Variants in SLC38A12 observed in about 807,000 individuals in gnomAD.
SLC38A12 encodes putative sodium-coupled neutral amino acid transporter 12.
chr17:74,810,163 G>A, the SLC38A12 span, among the ~76,000 whole-genome samples: 6 of 152,344 alleles, frequency 3.9e-5, no homozygotes, highest in Middle Eastern at 6.8e-3. Context: ...CATTCAGAAC[G>A]AGGCTGCCAG....
the SLC38A12 span, chr17:74,795,377 G>A: frequency 2.8e-6 from 2 of 702,450 alleles, no homozygotes; most frequent in Non-Finnish European, 2.4e-6. Context: ...CAAGGAGGGT[G>A]CATCCTCAGA....
At chr17:74,822,025 G>GA in the SLC38A12 span, among the ~76,000 whole-genome samples, 1 of 152,216 alleles carries the variant, frequency 6.6e-6, no homozygotes, top group African/African-American at 2.4e-5. Context: ...AATGGCTTCC[G>GA]AAGACCCCTG....
the SLC38A12 span, among the ~76,000 whole-genome samples, chr17:74,822,939 C>T: frequency 1.3e-5 from 2 of 152,208 alleles, no homozygotes; most frequent in African/African-American, 2.4e-5. Flanking sequence ...AGGGACCCCA[C>T]GAGGGTTTCT....
At chr17:74,784,369 C>T in the SLC38A12 span, among the ~76,000 whole-genome samples, 1 of 152,102 alleles carries the variant, frequency 6.6e-6, no homozygotes, top group Admixed American at 6.6e-5. Context: ...GAGTTAGCCA[C>T]TAAAGAAGCT....
the SLC38A12 span, among the ~76,000 whole-genome samples, chr17:74,786,525 G>A: frequency 6.6e-5 from 10 of 152,312 alleles, no homozygotes; most frequent in Admixed American, 3.9e-4. Context: ...AGAGTGAGCC[G>A]GAAGGCAGTG....
chr17:74,791,144 C>T, the SLC38A12 span: 7 of 978,920 alleles, frequency 7.2e-6, no homozygotes, highest in Admixed American at 4.1e-5. Context: ...GACCATGGGG[C>T]AGAGCAGGTG....
chr17:74,786,305 C>T, the SLC38A12 span, among the ~76,000 whole-genome samples: 2 of 151,838 alleles, frequency 1.3e-5, no homozygotes, highest in Non-Finnish European at 2.9e-5. Context: ...TTCTCTCAAC[C>T]GGGTAGGAAT....
the SLC38A12 span, among the ~76,000 whole-genome samples, chr17:74,807,610 C>T: frequency 1.3e-5 from 2 of 152,244 alleles, no homozygotes; most frequent in Admixed American, 6.5e-5. Flanking sequence ...GCTTCCCCTC[C>T]GCAAGTGCCA....
At chr17:74,838,987 C>T in the SLC38A12 span, 1 of 1,535,722 alleles carries the variant, frequency 6.5e-7, no homozygotes, top group Admixed American at 2.0e-5. Flanking sequence ...AACTCAACAG[C>T]CTCTACCCAA....
the SLC38A12 span, among the ~76,000 whole-genome samples, chr17:74,814,105 C>T: frequency 7.6e-4 from 115 of 152,312 alleles, no homozygotes; most frequent in Non-Finnish European, 1.5e-4. Flanking sequence ...TGAGCTTCTT[C>T]ACTTTAGGTG....
the SLC38A12 span, among the ~76,000 whole-genome samples, chr17:74,814,237 G>A: frequency 7.2e-5 from 11 of 152,124 alleles, no homozygotes; most frequent in East Asian, 1.9e-4. Context: ...GCGGGAAGCC[G>A]GGCATCCCAG....
chr17:74,792,112 C>G, the SLC38A12 span, among the ~76,000 whole-genome samples: 2 of 150,626 alleles, frequency 1.3e-5, no homozygotes, highest in African/African-American at 4.9e-5. Context: ...CGCCACTGCA[C>G]TCCAGCCTGG....
the SLC38A12 span, among the ~76,000 whole-genome samples, chr17:74,804,235 A>G: frequency 2.6e-5 from 4 of 152,288 alleles, no homozygotes; most frequent in Non-Finnish European, 5.9e-5. Context: ...GGGCCCTAGC[A>G]GTAATTGTTT....
At chr17:74,788,981 G>A in the SLC38A12 span, 32 of 915,966 alleles carry the variant, frequency 3.5e-5, no homozygotes, top group East Asian at 1.7e-4. Context: ...CTCTGTCCAC[G>A]GCACTGCTCC....
At chr17:74,785,153 C>T in the SLC38A12 span, among the ~76,000 whole-genome samples, 1 of 151,978 alleles carries the variant, frequency 6.6e-6, no homozygotes, top group African/African-American at 2.4e-5. Context: ...GCTCTGTCCC[C>T]GGGAAGCCTA....
chr17:74,836,205 A>T, the SLC38A12 span: 1 of 1,611,934 alleles, frequency 6.2e-7, no homozygotes, highest in Non-Finnish European at 8.5e-7. The surrounding 1 kb of genome is among the most constrained non-coding windows in gnomAD (Gnocchi z 4.2). Flanking sequence ...CCTCATGGAC[A>T]TGTACACCCT....
At chr17:74,804,091 C>T in the SLC38A12 span, among the ~76,000 whole-genome samples, 2 of 152,222 alleles carry the variant, frequency 1.3e-5, no homozygotes, top group African/African-American at 4.8e-5. Flanking sequence ...TCCTTTTATC[C>T]TGTAGATCAG....
At chr17:74,780,147 C>G in the SLC38A12 span, among the ~76,000 whole-genome samples, 1 of 152,232 alleles carries the variant, frequency 6.6e-6, no homozygotes, top group Non-Finnish European at 1.5e-5. Context: ...AAGATTGTTG[C>G]GGTTGCTTTC....
At chr17:74,834,182 G>A in the SLC38A12 span, among the ~76,000 whole-genome samples, 1 of 152,154 alleles carries the variant, frequency 6.6e-6, no homozygotes, top group African/African-American at 2.4e-5. Flanking sequence ...CTGTCCCACA[G>A]GTGTCCTGTG....
Sources: allele counts gnomAD v4.1 joint callset (sites outside exome capture counted in the v4.1 genomes callset), GRCh38; gene constraint gnomAD v4.1.1; non-coding constraint Gnocchi (gnomAD v3.1); transcripts MANE v1.5; gene names NCBI Gene and HGNC (gene_info 2026-07-23, HGNC 2026-07-21).